Variants in HYAL1 observed in about 807,000 individuals in gnomAD.
The protein encoded by HYAL1 is hyaluronidase-1.
A neutral mutation model predicts 28.8 loss-of-function variants in HYAL1; 21 were observed. The observed-to-expected ratio is 0.73, with a 90% CI of 0.52 to 1.05. The LOEUF (loss-of-function observed/expected upper bound fraction) is 1.05, where lower values mean the gene tolerates loss of function less well. Ranked by LOEUF, HYAL1 falls within the 50% of genes least tolerant of loss-of-function variation. The pLI is 0.00. For missense variants in HYAL1, 491 were observed against 579.2 expected, an observed-to-expected ratio of 0.85 and a Z score of 1.56; for synonymous variants, 200 against 230.1, an observed-to-expected ratio of 0.87 and a Z score of 1.18.
chr3:50,311,884 C>T (rs1230527145), intron 1 of HYAL1, among the ~76,000 whole-genome samples: 1 of 139,352 alleles, frequency 7.2e-6, no homozygotes, highest in Non-Finnish European at 1.6e-5. Context: ...GGCGGCTGGC[C>T]GGGCGGGGGG....
chr3:50,309,047 A>G (rs1344984783), intron 2 of HYAL1, among the ~76,000 whole-genome samples: 1 of 151,362 alleles, frequency 6.6e-6, no homozygotes, highest in African/African-American at 2.5e-5. Context: ...TTAACAATTT[A>G]GTACAGTCCT....
chr3:50,308,346 C>T (rs1422109052), upstream of HYAL1, among the ~76,000 whole-genome samples: 1 of 151,172 alleles, frequency 6.6e-6, no homozygotes, highest in Non-Finnish European at 1.5e-5. Flanking sequence ...TGGCTGGTCT[C>T]AAACTCCTCG....
At chr3:50,311,751 G>A (rs1461082990) in intron 1 of HYAL1, among the ~76,000 whole-genome samples, 35 of 145,408 alleles carry the variant, frequency 2.4e-4, no homozygotes, top group African/African-American at 8.2e-4. Context: ...GGACGGGGCG[G>A]CTGGCTGGGC....
At chr3:50,300,939 T>TGGGGGGGGGGGG in intron 3 of HYAL1, 49 bp downstream of exon 3, 17 of 959,360 alleles carry the variant, frequency 1.8e-5, no homozygotes, top group Non-Finnish European at 2.8e-5. Flanking sequence ...GTCAGCTTAA[T>TGGGGGGGGGGGG]GGCCCCACCC....
At chr3:50,311,251 C>T (rs1487495423) in intron 1 of HYAL1, among the ~76,000 whole-genome samples, 3 of 1,316 alleles carry the variant, frequency 2.3e-3, no homozygotes, top group Non-Finnish European at 5.8e-3. Context: ...AACTCCCTCC[C>T]GGCCGGGGCG....
chr3:50,301,627 A>AG (rs1559818191), intron 2 of HYAL1, among the ~76,000 whole-genome samples: 1 of 148,258 alleles, frequency 6.7e-6, no homozygotes, highest in East Asian at 2.0e-4. Flanking sequence ...AAAAAAAAAA[A>AG]AAAAAAAGGA....
rs1553712171 is a variant in HYAL1, at chr3:50,299,966, C to T, written c.*517G>A. On this transcript the variant is annotated 3_prime_UTR_variant, in exon 4 of 4. Transcript: ENST00000395144. Reference sequence around the variant, plus strand: ...AGGGGTCGTGCAGGGCTGGTTACCACAAACTCAGTAGGAGTGCAAGGGCTG... The same window carrying T: ...AGGGGTCGTGCAGGGCTGGTTACCATAAACTCAGTAGGAGTGCAAGGGCTG... The T allele has an allele frequency of 4.9e-6, 1 of 202,466 alleles. No individual in the cohort carries two copies. The highest frequency in any genetic ancestry group is 1.0e-5 in the Non-Finnish European group (1 of 96,692). 12.5% of individuals were successfully genotyped at this position (202,466 alleles called of 1,614,324 possible). A position where few individuals can be genotyped will look rare whatever the true frequency, so the allele number is the denominator to read the frequency against.
Position 50,302,463 on chromosome 3 carries a change from G to C in HYAL1, c.494C>G (p.Pro165Arg), listed in dbSNP as rs782199523. Residue 165 changes from proline to arginine, a missense_variant, in exon 2 of 4, where the codon CCT (proline) becomes CGT (arginine). By Grantham distance (103) the Pro-to-Arg change is moderately radical. Transcript: ENST00000395144. The surrounding 1 kb of genome is among the most constrained non-coding windows in gnomAD (Gnocchi z 5.0). ...VQAQHPDWPAPQVEAVAQDQF... is the reference protein window; with the variant it reads ...VQAQHPDWPARQVEAVAQDQF... Reference sequence around the variant, plus strand: ...GTCCTGGGCTACTGCCTCCACCTGAGGAGCTGGCCAATCAGGGTGCTGTGC... The same window carrying C: ...GTCCTGGGCTACTGCCTCCACCTGACGAGCTGGCCAATCAGGGTGCTGTGC... The C allele has an allele frequency of 7.4e-6, 12 of 1,613,982 alleles. No homozygotes were observed. The East Asian group carries it at 2.4e-4, about 33-fold the overall frequency.
rs782458470 is a variant in HYAL1 at position 50,300,503 on chromosome 3, C to G, written c.1288G>C (p.Glu430Gln). 1 of 1,614,224 alleles carries G rather than the reference C, an allele frequency of 6.2e-7. No homozygotes were observed. Among genetic ancestry groups the G allele is most frequent in the Admixed American group, 1.7e-5 (1 of 60,034 alleles). ...CYPGWQAPWC[E>Q]RKSMW is the part of the protein sequence containing the mutation. ...GCCAATCACCACATGCTCTTCCGCT[C>G]ACACCACGGTGCCTGCCAGCCAGGG... Residue 430 changes from glutamate to glutamine, a missense_variant, in exon 4 of 4, where the codon GAG (glutamate) becomes CAG (glutamine). Coordinates refer to ENST00000395144, the MANE Select transcript of HYAL1 (RefSeq NM_033159.4).
At chr3:50,303,083 C>G in intron 1 of HYAL1, 103 bp from the exon 2 acceptor site, 3 of 914,532 alleles carry the variant, frequency 3.3e-6, no homozygotes, top group South Asian at 1.9e-5. Context: ...CACCGCTGCT[C>G]TGGTTTCTGT....
At chr3:50,304,297 ATATATATATATATATATATATATATAT>A (rs1702290209), upstream of HYAL1, among the ~76,000 whole-genome samples, 2 of 14,784 alleles carry the variant, frequency 1.4e-4, no homozygotes, top group African/African-American at 6.0e-4. Context: ...AAAAAAAAAA[ATATATATATATATATATATATATATAT>A]ATATATATAT....
intron 1 of HYAL1, among the ~76,000 whole-genome samples, chr3:50,310,113 CTG>C (rs1261921652): frequency 2.0e-5 from 3 of 151,386 alleles, no homozygotes; most frequent in African/African-American, 7.4e-5. Flanking sequence ...CTAGTCTTAA[CTG>C]TTTTTTTGTT....
intron 2 of HYAL1, 129 bp from the exon 3 acceptor site, chr3:50,301,206 C>A: frequency 3.2e-6 from 2 of 629,104 alleles, no homozygotes; most frequent in East Asian, 2.7e-5. Context: ...GGACCAGAGG[C>A]AAACTGCTTC....
At position 50,302,111 on chromosome 3, in the gene HYAL1, C is replaced by G. The variant is rs782094366; in HGVS notation, c.846G>C (p.Pro282=). 52 of 1,614,058 alleles carry G rather than the reference C, an allele frequency of 3.2e-5. No homozygotes were observed. Among genetic ancestry groups the G allele is most frequent in the Non-Finnish European group, 4.4e-5 (52 of 1,180,030 alleles). ...VAVAAGDPNL[P]VLPYVQIFYD... ...AGAAGATCTGGACATAGGGCAGCAC[C>G]GGCAGATTGGGGTCACCAGCAGCCA... Residue 282 remains proline, a synonymous_variant, in exon 2 of 4, where the codon CCG becomes CCC. Coordinates refer to ENST00000395144, the MANE Select transcript of HYAL1 (RefSeq NM_033159.4). This position sits in a 1 kb window ranked among gnomAD's most constrained non-coding sequence, Gnocchi z 5.0.
At chr3:50,311,745 G>A (rs71326926) in intron 1 of HYAL1, among the ~76,000 whole-genome samples, 12 of 145,750 alleles carry the variant, frequency 8.2e-5, no homozygotes, top group East Asian at 2.3e-4. Flanking sequence ...CCTCACGGAC[G>A]GGGCGGCTGG....
intron 2 of HYAL1, 24 bp from the exon 3 acceptor site, chr3:50,301,101 T>G (rs1161936875): frequency 3.3e-6 from 5 of 1,508,596 alleles, no homozygotes; most frequent in Non-Finnish European, 4.6e-6. Context: ...AGCACAGCTC[T>G]GTGGGGCCTC....
upstream of HYAL1, among the ~76,000 whole-genome samples, chr3:50,305,268 G>C (rs1302465798): frequency 3.9e-5 from 6 of 152,090 alleles, no homozygotes; most frequent in Non-Finnish European, 8.8e-5. Flanking sequence ...TTTTGAGACG[G>C]AGTCTCGCTC....
chr3:50,310,091 T>C (rs1190342334), intron 1 of HYAL1, among the ~76,000 whole-genome samples: 1 of 151,544 alleles, frequency 6.6e-6, no homozygotes, highest in East Asian at 1.9e-4. Flanking sequence ...AATGTTCACC[T>C]GTTGTTAGAT....
upstream of HYAL1, among the ~76,000 whole-genome samples, chr3:50,306,802 C>T: frequency 6.6e-6 from 1 of 150,700 alleles, no homozygotes. Context: ...AGGAGAATTG[C>T]TTCAACCTGG....
Sources: gnomAD v4.1 joint callset for allele counts (sites outside exome capture counted in the v4.1 genomes callset) on GRCh38, gnomAD v4.1.1 for gene constraint, Gnocchi (gnomAD v3.1) non-coding constraint, MANE v1.5 for transcripts, NCBI Gene and HGNC (gene_info 2026-07-23, HGNC 2026-07-21) for gene names.